The following CORO1C variants were observed in gnomAD, a reference collection of about 807,000 sequenced individuals.
CORO1C encodes the protein coronin-1C.
CORO1C carries 14 observed loss-of-function variants against 51.2 expected under a neutral mutation model. The observed-to-expected ratio is 0.27, with a 90% CI of 0.18 to 0.43. The LOEUF (loss-of-function observed/expected upper bound fraction) is 0.43. CORO1C is among the 20% of genes least tolerant of loss of function. The pLI is 1.00. For missense variants in CORO1C, 417 were observed against 607.8 expected, an observed-to-expected ratio of 0.69 and a Z score of 3.30; for synonymous variants, 181 against 210.5, an observed-to-expected ratio of 0.86 and a Z score of 1.21.
At chr12:108,663,292 C>G (rs2033346208) in intron 3 of CORO1C, among the ~76,000 whole-genome samples, 1 of 152,208 alleles carries the variant, frequency 6.6e-6, no homozygotes. Context: ...AATGATTAAA[C>G]AGAGTTATCA....
chr12:108,703,120 T>C (rs2136867588), intron 1 of CORO1C: 1 of 540,962 alleles, frequency 1.8e-6, no homozygotes. Context: ...CAGCTGGTCT[T>C]GGGCTCCACT....
intron 4 of CORO1C, among the ~76,000 whole-genome samples, chr12:108,660,016 G>A (rs1345781732): frequency 6.6e-6 from 1 of 152,222 alleles, no homozygotes; most frequent in Non-Finnish European, 1.5e-5. Flanking sequence ...AGCATGTGTT[G>A]CTCCTAGGAT....
At chr12:108,678,986 C>T (rs2136834025) in intron 2 of CORO1C, among the ~76,000 whole-genome samples, 1 of 150,890 alleles carries the variant, frequency 6.6e-6, no homozygotes, top group East Asian at 1.9e-4. Flanking sequence ...TGGTGTGCGC[C>T]TGTAGTCCCA....
At chr12:108,656,188 CGCCCCGTCTG>C in intron 6 of CORO1C, among the ~76,000 whole-genome samples, 1 of 148,626 alleles carries the variant, frequency 6.7e-6, no homozygotes, top group South Asian at 2.2e-4. Flanking sequence ...GCCCGGCAGC[CGCCCCGTCTG>C]AGAAGTGAGG....
chr12:108,706,224 A>C (rs2035028911), intron 1 of CORO1C, among the ~76,000 whole-genome samples: 1 of 151,916 alleles, frequency 6.6e-6, no homozygotes, highest in Non-Finnish European at 1.5e-5. Flanking sequence ...AGCATTTGAC[A>C]AAATTAAATA....
chr12:108,695,851 TAAAAAAAAAAA>T (rs924887183), intron 2 of CORO1C, among the ~76,000 whole-genome samples: 2 of 62,452 alleles, frequency 3.2e-5, no homozygotes, highest in East Asian at 4.0e-4. Flanking sequence ...TTGGGAGAAC[TAAAAAAAAAAA>T]AAAAAAAAAA....
At chr12:108,677,345 GC>G (rs1319399916) in intron 3 of CORO1C, among the ~76,000 whole-genome samples, 1 of 152,160 alleles carries the variant, frequency 6.6e-6, no homozygotes, top group African/African-American at 2.4e-5. Context: ...GTATTCCAAA[GC>G]CTTGTTTCAC....
chr12:108,711,736 G>C (rs971618023), intron 1 of CORO1C, among the ~76,000 whole-genome samples: 1 of 150,912 alleles, frequency 6.6e-6, no homozygotes, highest in African/African-American at 2.4e-5. Flanking sequence ...TAGGGTGTTA[G>C]GAGGAAAAAA....
Position 108,706,198 on chromosome 12 carries a change from A to AC in CORO1C, c.-5-4876_-5-4875insG, listed in dbSNP as rs1286417858. Among the ~76,000 whole-genome samples, 7 of 150,958 alleles carry AC rather than the reference A, an allele frequency of 4.6e-5. No individual in the cohort carries two copies. In the East Asian group the frequency reaches 5.8e-4, roughly 13 times the overall value. On this transcript the variant is annotated intron_variant, in intron 1 of 10. Transcript: ENST00000261401. The stretch of plus-strand genomic sequence containing the variant: ...TGAGACTCTGAATCAAAAAAAAACA[A>AC]AAAAAACAAAAAAAAAGCATTTGAC...
chr12:108,662,354 G>A (rs767528909), intron 3 of CORO1C, among the ~76,000 whole-genome samples, 196 bp from the exon 4 acceptor site: 2 of 151,038 alleles, frequency 1.3e-5, no homozygotes, highest in Non-Finnish European at 3.0e-5. Flanking sequence ...TTTGTTTTTC[G>A]TTTTTGAGAC....
chr12:108,704,493 C>T (rs2034971324), intron 1 of CORO1C, among the ~76,000 whole-genome samples: 1 of 151,888 alleles, frequency 6.6e-6, no homozygotes, highest in Non-Finnish European at 1.5e-5. Context: ...AAAGTTATTT[C>T]CATATTATGC....
At chr12:108,702,693 T>G (rs1334282669) in intron 1 of CORO1C, 3 of 1,235,378 alleles carry the variant, frequency 2.4e-6, no homozygotes, top group Non-Finnish European at 3.2e-6. Context: ...ACGAGACACA[T>G]GGTGGGCTGT....
intron 1 of CORO1C, among the ~76,000 whole-genome samples, chr12:108,711,262 C>T (rs557023410): frequency 6.6e-6 from 1 of 152,040 alleles, no homozygotes; most frequent in South Asian, 2.1e-4. Context: ...CCCAGCTACT[C>T]GGGGAGCTGA....
intron 2 of CORO1C, among the ~76,000 whole-genome samples, chr12:108,682,112 A>C (rs894862340): frequency 6.6e-6 from 1 of 152,016 alleles, no homozygotes; most frequent in African/African-American, 2.4e-5. Context: ...ATCCAATAGA[A>C]AGAGAAAATA....
intron 6 of CORO1C, among the ~76,000 whole-genome samples, chr12:108,654,662 CAAT>C (rs1354561413): frequency 6.6e-6 from 1 of 151,784 alleles, no homozygotes; most frequent in Non-Finnish European, 1.5e-5. Context: ...GATTTCATGA[CAAT>C]GATGAGAAAG....
chr12:108,653,560 G>A (rs1446954657), intron 7 of CORO1C, among the ~76,000 whole-genome samples: 1 of 152,084 alleles, frequency 6.6e-6, no homozygotes, highest in Non-Finnish European at 1.5e-5. Context: ...AAAGTTCTAA[G>A]GGAAATTGAG....
At chr12:108,721,187 C>A (rs930022136) in intron 1 of CORO1C, among the ~76,000 whole-genome samples, 66 of 152,226 alleles carry the variant, frequency 4.3e-4, no homozygotes, top group African/African-American at 1.4e-3. Flanking sequence ...TTTCACCTAC[C>A]TTTATAACTC....
chr12:108,665,499 G>A (rs2033440496), intron 3 of CORO1C, among the ~76,000 whole-genome samples: 1 of 152,114 alleles, frequency 6.6e-6, no homozygotes, highest in Non-Finnish European at 1.5e-5. Flanking sequence ...TGGTCTAACA[G>A]AAAGCAGAGA....
chr12:108,714,530 G>A lies in CORO1C; in HGVS notation c.-5-13207C>T, dbSNP rs144602398. Among the ~76,000 whole-genome samples, 683 of 151,956 alleles carry A rather than the reference G, an allele frequency of 4.5e-3. 3 individuals are homozygous for A. Among genetic ancestry groups the A allele is most frequent in the Middle Eastern group, 0.01 (3 of 292 alleles). On this transcript the variant is annotated intron_variant, in intron 1 of 10. Coordinates refer to ENST00000261401, the MANE Select transcript of CORO1C (RefSeq NM_014325.4). ...GCGGTGGTTCACACCTGTATTCCCA[G>A]CACTTTGGGAGGCTGAGCTCAGGAG... is the stretch of plus-strand genomic sequence containing the variant.
Sources: allele counts gnomAD v4.1 joint callset (sites outside exome capture counted in the v4.1 genomes callset), GRCh38; gene constraint gnomAD v4.1.1; transcripts MANE v1.5; gene names NCBI Gene and HGNC (gene_info 2026-07-23, HGNC 2026-07-21).